PDCD1LG2: variants seen among roughly 807,000 people sequenced by gnomAD.
The protein encoded by PDCD1LG2 is B7 dendritic cell molecule.
Under a neutral mutation model 28.2 loss-of-function variants are expected in PDCD1LG2, and 32 were observed. The observed-to-expected ratio is 1.13, with a 90% CI of 0.86 to 1.52. The LOEUF (loss-of-function observed/expected upper bound fraction) is 1.52. PDCD1LG2 is among the 40% of genes most tolerant of loss of function. The pLI, the probability that PDCD1LG2 is intolerant of heterozygous loss-of-function variation, is 0.00. For synonymous variants in PDCD1LG2, 116 were observed against 120.2 expected (o/e 0.97, Z 0.23); for missense variants, 385 against 323.8 (o/e 1.19, Z -1.45).
chr9:5,567,662 A>G (rs1489656992), intron 6 of PDCD1LG2, among the ~76,000 whole-genome samples: 1 of 152,238 alleles, frequency 6.6e-6, no homozygotes. Flanking sequence ...GTAGCAGACC[A>G]AAAGAAGTCA....
intron 3 of PDCD1LG2, among the ~76,000 whole-genome samples, chr9:5,541,316 T>G (rs1820682249): frequency 6.6e-6 from 1 of 152,034 alleles, no homozygotes; most frequent in South Asian, 2.1e-4. Flanking sequence ...ACAAGACACT[T>G]TCACCACTTT....
In PDCD1LG2 at chr9:5,534,918, G is replaced by T. The variant is rs61760970; in HGVS notation, c.229G>T (p.Glu77Ter). 6.2e-7 allele frequency: 1 copy of T among 1,614,162 alleles called. No homozygotes were observed. The highest frequency in any genetic ancestry group is 8.5e-7 in the Non-Finnish European group (1 of 1,180,022). Residue 77 changes from glutamate to a stop codon, truncating the protein, a stop_gained, in exon 3 of 7, where the codon GAG (glutamate) becomes TAG (stop). Coordinates refer to ENST00000397747, the MANE Select transcript of PDCD1LG2 (RefSeq NM_025239.4). LOFTEE classifies it high-confidence loss of function. Reference protein sequence around the residue: ...SPHRERATLLEEQLPLGKASF... With the variant: ...SPHRERATLL Reference sequence around the variant, plus strand: ...ACACCGTGAAAGAGCCACTTTGCTGGAGGAGCAGCTGCCCCTAGGGAAGGC... The same window carrying T: ...ACACCGTGAAAGAGCCACTTTGCTGTAGGAGCAGCTGCCCCTAGGGAAGGC...
chr9:5,512,593 C>A (rs938537622), intron 1 of PDCD1LG2, among the ~76,000 whole-genome samples: 2 of 152,212 alleles, frequency 1.3e-5, no homozygotes, highest in Non-Finnish European at 2.9e-5. Flanking sequence ...TCTTTATAAT[C>A]TTTCTTTTAT....
chr9:5,557,361 C>T (rs935592956), intron 4 of PDCD1LG2, among the ~76,000 whole-genome samples: 4 of 152,220 alleles, frequency 2.6e-5, no homozygotes, highest in Non-Finnish European at 5.9e-5. Context: ...TACTATGTAA[C>T]TTAGGGAAAG....
intron 3 of PDCD1LG2, among the ~76,000 whole-genome samples, chr9:5,539,462 G>A (rs573872131): frequency 6.6e-6 from 1 of 152,240 alleles, no homozygotes; most frequent in Admixed American, 6.5e-5. Context: ...TTGATGTCTG[G>A]GCAGAAATTC....
At chr9:5,530,070 C>T (rs1385115379) in intron 2 of PDCD1LG2, among the ~76,000 whole-genome samples, 1 of 133,652 alleles carries the variant, frequency 7.5e-6, no homozygotes, top group Non-Finnish European at 1.5e-5. Flanking sequence ...AAAATATAAA[C>T]TTAGTTTCAA....
At chr9:5,513,886 A>C (rs879314010) in intron 1 of PDCD1LG2, among the ~76,000 whole-genome samples, 1 of 152,238 alleles carries the variant, frequency 6.6e-6, no homozygotes, top group African/African-American at 2.4e-5. Context: ...AAGGCATTCA[A>C]ATTCAGATTA....
chr9:5,522,741 CA>C (rs372870447), intron 2 of PDCD1LG2, 140 bp downstream of exon 2: 31,685 of 467,960 alleles, frequency 0.068, no homozygotes, highest in South Asian at 0.11. Context: ...CCAAGCACCA[CA>C]AAAAAAAAAA....
chr9:5,515,939 A>G (rs1256919550), intron 1 of PDCD1LG2, among the ~76,000 whole-genome samples: 2 of 150,040 alleles, frequency 1.3e-5, no homozygotes, highest in East Asian at 3.9e-4. Flanking sequence ...AAAAAAAAAA[A>G]AAAAAAAAAA....
rs1202132585 is a variant in PDCD1LG2 at position 5,569,736 on chromosome 9, A to G, written c.817-218A>G. ...GTGGCCCAAAGAATGGAAGAGGAAC[A>G]GCTCTTGCAATAGGTCTGAGGAGAG... On this transcript the variant is annotated intron_variant, in intron 6 of 6. Coordinates refer to ENST00000397747, the MANE Select transcript of PDCD1LG2 (RefSeq NM_025239.4). The surrounding 1 kb of genome is among the most constrained non-coding windows in gnomAD (Gnocchi z 4.1). Among the ~76,000 whole-genome samples, 1 of 152,216 alleles carries G rather than the reference A, an allele frequency of 6.6e-6. No individual in the cohort carries two copies. Among genetic ancestry groups the G allele is most frequent in the Admixed American group, 6.5e-5 (1 of 15,286 alleles).
Position 5,540,893 on chromosome 9 carries a change from A to C in PDCD1LG2, c.361+5843A>C, listed in dbSNP as rs142925018. Reference sequence around the variant, plus strand: ...CCAGTAGCACCCTAATACAAAAACCAGGGAAGGACATAACAAAAAAAGAAA... The same window carrying C: ...CCAGTAGCACCCTAATACAAAAACCCGGGAAGGACATAACAAAAAAAGAAA... On this transcript the variant is annotated intron_variant, in intron 3 of 6. Coordinates refer to ENST00000397747, the MANE Select transcript of PDCD1LG2 (RefSeq NM_025239.4). 1.2e-3 allele frequency among the ~76,000 whole-genome samples: 182 copies of C among 152,274 alleles called. 4 individuals carry two copies. In the East Asian group the frequency reaches 0.034, roughly 29 times the overall value.
intron 3 of PDCD1LG2, among the ~76,000 whole-genome samples, chr9:5,536,862 A>T (rs1820589970): frequency 6.6e-6 from 1 of 152,226 alleles, no homozygotes; most frequent in African/African-American, 2.4e-5. Flanking sequence ...CCCAAAATTG[A>T]CGAGCCTGAC....
intron 5 of PDCD1LG2, among the ~76,000 whole-genome samples, chr9:5,561,639 C>T: frequency 6.6e-6 from 1 of 152,312 alleles, no homozygotes; most frequent in Non-Finnish European, 1.5e-5. Flanking sequence ...TAGAATCCAG[C>T]AGAAGTCACC....
rs368506376 is a variant in PDCD1LG2, at chr9:5,563,024, G to A, written c.767-138G>A. On this transcript the variant is annotated intron_variant, in intron 5 of 6. Transcript: ENST00000397747. The stretch of plus-strand genomic sequence containing the variant: ...TTTGCTTTATGCATTACCATCCGAA[G>A]TCCCAGGCCACAGTGAACATTTGGG... 171 of 708,574 alleles carry A rather than the reference G, an allele frequency of 2.4e-4. No individual in the cohort carries two copies. The African/African-American group carries it at 2.9e-3, about 12-fold the overall frequency. 43.9% of individuals were successfully genotyped at this position (708,574 alleles called of 1,614,324 possible).
chr9:5,560,207 T>C (rs1816531913), intron 5 of PDCD1LG2, among the ~76,000 whole-genome samples: 2 of 152,212 alleles, frequency 1.3e-5, no homozygotes, highest in Admixed American at 1.3e-4. Flanking sequence ...CCTTTTAATT[T>C]TCCAATTGAT....
rs555905937 is a variant in PDCD1LG2, at chr9:5,564,616, C to G, written c.816+1405C>G. On this transcript the variant is annotated intron_variant, in intron 6 of 6. Coordinates refer to ENST00000397747, the MANE Select transcript of PDCD1LG2 (RefSeq NM_025239.4). ...CAGCATACCACTGCCAGATCTAATC[C>G]CCCCAAACACTGTTTTCATCATCAT... Among the ~76,000 whole-genome samples the G allele has an allele frequency of 1.6e-4, 24 of 152,200 alleles. No homozygotes were observed. The South Asian group carries it at 4.8e-3, about 30-fold the overall frequency.
chr9:5,556,597 C>A (rs1276868699), intron 4 of PDCD1LG2, among the ~76,000 whole-genome samples: 1 of 152,150 alleles, frequency 6.6e-6, no homozygotes, highest in Non-Finnish European at 1.5e-5. Context: ...TCCAGTAAAA[C>A]AATCCGTGGT....
chr9:5,511,541 AC>A (rs1276851024), intron 1 of PDCD1LG2, among the ~76,000 whole-genome samples: 3 of 152,206 alleles, frequency 2.0e-5, no homozygotes, highest in Non-Finnish European at 2.9e-5. Context: ...ACCCAAAAAT[AC>A]TATGGCTCTG....
intron 1 of PDCD1LG2, among the ~76,000 whole-genome samples, chr9:5,515,937 A>AAAG (rs1820152122): frequency 6.7e-6 from 1 of 149,722 alleles, no homozygotes; most frequent in Non-Finnish European, 1.5e-5. Context: ...AAAAAAAAAA[A>AAAG]AAAAAAAAAA....
Sources: allele counts gnomAD v4.1 joint callset (sites outside exome capture counted in the v4.1 genomes callset), GRCh38; gene constraint gnomAD v4.1.1; non-coding constraint Gnocchi (gnomAD v3.1); transcripts MANE v1.5; gene names NCBI Gene and HGNC (gene_info 2026-07-23, HGNC 2026-07-21).